Variants in OR13C5 observed in about 807,000 individuals in gnomAD.
OR13C5 encodes olfactory receptor family 13 subfamily C member 5.
A neutral mutation model predicts 12.4 loss-of-function variants in OR13C5; 9 were observed. That is an observed-to-expected ratio of 0.72 (90% confidence interval 0.44 to 1.26). The LOEUF (loss-of-function observed/expected upper bound fraction) is 1.26. Ranked by LOEUF, OR13C5 falls within the 50% of genes most tolerant of loss-of-function variation. The pLI is 0.00. For missense variants in OR13C5, 361 were observed against 374.4 expected (o/e 0.96, Z 0.29); for synonymous variants, 124 against 139.4 (o/e 0.89, Z 0.78).
chr9:104,599,209 A>C lies in OR13C5; in HGVS notation c.205T>G (p.Leu69Val), dbSNP rs7042502. ...MYFFLGNLSF[L>V]DICYTTTSIP... ...GAGGTGGTGGTGTAGCAGATGTCCAAGAAGGAGAGGTTCCCCAGAAAGAAG... is the reference window on the plus strand; with the variant it reads ...GAGGTGGTGGTGTAGCAGATGTCCACGAAGGAGAGGTTCCCCAGAAAGAAG... The change falls in exon 1 of 1, where the codon TTG (leucine) becomes GTG (valine). Residue 69 changes from leucine to valine, a missense_variant. Leu to Val is a conservative substitution (Grantham distance 32, BLOSUM62 1). This residue lies in a region of OR13C5 where 67 missense variants were observed against 106.4 expected (regional missense o/e 0.63). Transcript: ENST00000374779. The C allele has an allele frequency of 1.3e-6, 2 of 1,562,950 alleles. No individual in the cohort carries two copies. Among genetic ancestry groups the C allele is most frequent in the East Asian group, 4.8e-5 (2 of 41,568 alleles).
At position 104,598,936 on chromosome 9, in the gene OR13C5, T is replaced by A. The variant is rs753821698; in HGVS notation, c.478A>T (p.Thr160Ser). The A allele has an allele frequency of 1.3e-4, 214 of 1,613,784 alleles. 1 individual carries two copies. In the Middle Eastern group the frequency reaches 3.8e-3, roughly 29 times the overall value. Residue 160 changes from threonine (T) to serine (S), a missense_variant, in exon 1 of 1, where the codon ACA becomes TCA. By Grantham distance (58) the Thr-to-Ser change is moderately conservative (BLOSUM62 1). Coordinates refer to ENST00000374779, the MANE Select transcript of OR13C5 (RefSeq NM_001004482.1). ...IIGAVNSAVQ[T>S]VFVVQLPFCR... is the part of the protein sequence containing the mutation. Reference sequence around the variant, plus strand: ...AAAGGCAATTGTACCACAAACACTGTTTGTACTGCAGAATTGACAGCTCCT... The same window carrying A: ...AAAGGCAATTGTACCACAAACACTGATTGTACTGCAGAATTGACAGCTCCT...
chr9:104,598,665 G>T lies in OR13C5; in HGVS notation c.749C>A (p.Thr250Lys). The T allele has an allele frequency of 1.2e-6, 2 of 1,613,924 alleles. No homozygotes were observed. The highest frequency in any genetic ancestry group is 1.7e-6 in the Non-Finnish European group (2 of 1,179,906). ...TCSARLTVVITFCGTIFLMYM... is the reference protein window; with the variant it reads ...TCSARLTVVIKFCGTIFLMYM... ...CATGAGGAAGATGGTCCCACAGAAT[G>T]TTATCACCACAGTCAGACGAGCTGA... Residue 250 changes from threonine (T) to lysine (K), a missense_variant, in exon 1 of 1, where the codon ACA becomes AAA. Coordinates refer to ENST00000374779, the MANE Select transcript of OR13C5 (RefSeq NM_001004482.1).
chr9:104,598,468 A>C lies in OR13C5; in HGVS notation c.946T>G (p.Phe316Val). 6.6e-7 allele frequency: 1 copy of C among 1,524,262 alleles called. No homozygotes were observed. The highest frequency in any genetic ancestry group is 8.8e-7 in the Non-Finnish European group (1 of 1,141,704). 94.4% of individuals were successfully genotyped at this position (1,524,262 alleles called of 1,614,324 possible). A position where few individuals can be genotyped will look rare whatever the true frequency, so the allele number is the denominator to read the frequency against. Residue 316 changes from phenylalanine to valine, a missense_variant, in exon 1 of 1, where the codon TTT becomes GTT. Physicochemically the swap from Phe to Val is conservative, Grantham distance 50. This residue lies in a region of OR13C5 where 294 missense variants were observed against 268.0 expected (regional missense o/e 1.10). Transcript: ENST00000374779. The stretch of plus-strand genomic sequence containing the variant: ...CTCACCTTTCTCATTTACTTGTTAA[A>C]ATTTTTTCTTCTCAGTAGGTGTTTT... The part of the protein sequence containing the change: ...AVKHLLRRKN[F>V]NK
In OR13C5 at chr9:104,598,956, G is replaced by C; in HGVS notation, c.458C>G (p.Ala153Gly). 2.5e-6 allele frequency: 4 copies of C among 1,613,960 alleles called. No individual in the cohort carries two copies. Among genetic ancestry groups the C allele is most frequent in the Non-Finnish European group, 2.5e-6 (3 of 1,179,944 alleles). The change falls in exon 1 of 1, where the codon GCT becomes GGT. Residue 153 changes from alanine (A) to glycine (G), a missense_variant. Physicochemically the swap from Ala to Gly is moderately conservative, Grantham distance 60. Transcript: ENST00000374779. ...PMAAGSWIIG[A>G]VNSAVQTVFV... The stretch of plus-strand genomic sequence containing the variant: ...CACTGTTTGTACTGCAGAATTGACA[G>C]CTCCTATGATCCAGGACCCAGCTGC...
chr9:104,598,465 T>C lies in OR13C5; in HGVS notation c.949A>G (p.Asn317Asp), dbSNP rs749159295. ...ACTCTCACCTTTCTCATTTACTTGT[T>C]AAAATTTTTTCTTCTCAGTAGGTGT... ...VKHLLRRKNF[N>D]K The change falls in exon 1 of 1, where the codon AAC becomes GAC. Residue 317 changes from asparagine (N) to aspartate (D), a missense_variant. Asn to Asp is a conservative substitution (Grantham distance 23). This residue lies in a region of OR13C5 where 294 missense variants were observed against 268.0 expected (regional missense o/e 1.10). Coordinates refer to ENST00000374779, the MANE Select transcript of OR13C5 (RefSeq NM_001004482.1). The C allele has an allele frequency of 6.6e-7, 1 of 1,521,108 alleles. No individual in the cohort carries two copies. Among genetic ancestry groups the C allele is most frequent in the Non-Finnish European group, 8.8e-7 (1 of 1,137,886 alleles). The allele number at this position is 1,521,108 out of a possible 1,614,324, so 94.2% of individuals were successfully genotyped here. A position where few individuals can be genotyped will look rare whatever the true frequency, so the allele number is the denominator to read the frequency against.
At position 104,598,534 on chromosome 9, in the gene OR13C5, A is replaced by G. The variant is rs1458234276; in HGVS notation, c.880T>C (p.Leu294=). The change falls in exon 1 of 1, where the codon TTA becomes CTA. Residue 294 remains leucine (L), a synonymous_variant. Transcript: ENST00000374779. ...YRVMTPMMNP[L]IYSLRNKDVK... ...TCCTTGTTTCTAAGACTGTAGATTAAAGGATTCATCATGGGAGTCATCACC... is the reference window on the plus strand; with the variant it reads ...TCCTTGTTTCTAAGACTGTAGATTAGAGGATTCATCATGGGAGTCATCACC... The G allele has an allele frequency of 5.0e-6, 8 of 1,613,032 alleles. No homozygotes were observed. The highest frequency in any genetic ancestry group is 5.9e-6 in the Non-Finnish European group (7 of 1,179,404).
chr9:104,598,846 C>A lies in OR13C5; in HGVS notation c.568G>T (p.Ala190Ser). The A allele has an allele frequency of 6.2e-7, 1 of 1,614,052 alleles. No individual in the cohort carries two copies. The highest frequency in any genetic ancestry group is 8.5e-7 in the Non-Finnish European group (1 of 1,179,964). ...ATGAACTCATTGCCTGAGATGTCAG[C>A]ACAGGCCAGTTTCATGACAGCTAGA... ...EILAVMKLAC[A>S]DISGNEFILL... Residue 190 changes from alanine to serine, a missense_variant, in exon 1 of 1, where the codon GCT becomes TCT. Ala to Ser is a moderately conservative substitution (Grantham distance 99). Coordinates refer to ENST00000374779, the MANE Select transcript of OR13C5 (RefSeq NM_001004482.1).
Position 104,599,150 on chromosome 9 carries a change from T to C in OR13C5, c.264A>G (p.Glu88=), listed in dbSNP as rs77669388. The change falls in exon 1 of 1, where the codon GAA becomes GAG. Residue 88 remains glutamate (E), a synonymous_variant. Transcript: ENST00000374779. The part of the protein sequence containing the change: ...IPSTLVSFLS[E]RKTISLSGCA... ...AGCCAGAAAGGGAAATGGTCTTTCT[T>C]TCTGAAAGGAAGCTCACTAGCGTGG... 2.7e-3 allele frequency: 4,364 copies of C among 1,613,138 alleles called. 36 individuals are homozygous for C. Among genetic ancestry groups the C allele is most frequent in the Non-Finnish European group, 2.0e-3 (2,327 of 1,179,814 alleles).
Position 104,599,050 on chromosome 9 carries a change from G to A in OR13C5, c.364C>T (p.Arg122Cys), listed in dbSNP as rs139786230. 1.9e-3 allele frequency: 3,029 copies of A among 1,612,846 alleles called. 6 individuals carry two copies. The highest frequency in any genetic ancestry group is 2.3e-3 in the Non-Finnish European group (2,739 of 1,179,534). ...CVLLGVMAFDRYVAICNPLRY... is the reference protein window; with the variant it reads ...CVLLGVMAFDCYVAICNPLRY... ...AGAGGGTTGCAGATAGCCACATAGC[G>A]GTCAAAGGCCATCACGCCCAGAAGC... The change falls in exon 1 of 1, where the codon CGC (arginine) becomes TGC (cysteine). Residue 122 changes from arginine (R) to cysteine (C), a missense_variant. This residue lies in a region of OR13C5 where 294 missense variants were observed against 268.0 expected (regional missense o/e 1.10). Coordinates refer to ENST00000374779, the MANE Select transcript of OR13C5 (RefSeq NM_001004482.1).
rs761807028 is a variant in OR13C5, at chr9:104,599,013, A to G, written c.401T>C (p.Ile134Thr). ...VAICNPLRYP[I>T]IMSKDAYVPM... Reference sequence around the variant, plus strand: ...TACATAGGCATCCTTACTCATGATGATGGGATATCTCAGAGGGTTGCAGAT... The same window carrying G: ...TACATAGGCATCCTTACTCATGATGGTGGGATATCTCAGAGGGTTGCAGAT... Residue 134 changes from isoleucine to threonine, a missense_variant, in exon 1 of 1, where the codon ATC becomes ACC. This residue lies in a region of OR13C5 where 294 missense variants were observed against 268.0 expected (regional missense o/e 1.10). Coordinates refer to ENST00000374779, the MANE Select transcript of OR13C5 (RefSeq NM_001004482.1). 1 of 1,613,860 alleles carries G rather than the reference A, an allele frequency of 6.2e-7. No homozygotes were observed. Among genetic ancestry groups the G allele is most frequent in the Non-Finnish European group, 8.5e-7 (1 of 1,179,956 alleles).
rs747271056 is a variant in OR13C5 at position 104,598,875 on chromosome 9, T to A, written c.539A>T (p.Glu180Val). ...GGCCAGTTTCATGACAGCTAGAATT[T>A]CACAGGTGAAATGATTGATGATGTT... is the stretch of plus-strand genomic sequence containing the variant. ...RNNIINHFTC[E>V]ILAVMKLACA... Residue 180 changes from glutamate (E) to valine (V), a missense_variant, in exon 1 of 1, where the codon GAA becomes GTA. Glu to Val is a moderately radical substitution (Grantham distance 121). Around this residue, in one of 2 missense-constraint regions of OR13C5, gnomAD observed 294 missense variants for 268.0 expected, o/e 1.10. Coordinates refer to ENST00000374779, the MANE Select transcript of OR13C5 (RefSeq NM_001004482.1). 29 of 1,613,992 alleles carry A rather than the reference T, an allele frequency of 1.8e-5. No homozygotes were observed. The highest frequency in any genetic ancestry group is 3.3e-5 in the Admixed American group (2 of 59,978).
chr9:104,598,765 A>G lies in OR13C5; in HGVS notation c.649T>C (p.Ser217Pro). ...LLTPLLLIIV[S>P]YTLIILSIFK... is the part of the protein sequence containing the mutation. ...ATGCTCAAAATGATTAACGTGTAAG[A>G]GACAATAATTAATAACAAAGGTGTC... The change falls in exon 1 of 1, where the codon TCT becomes CCT. Residue 217 changes from serine (S) to proline (P), a missense_variant. Ser to Pro is a moderately conservative substitution (Grantham distance 74). Coordinates refer to ENST00000374779, the MANE Select transcript of OR13C5 (RefSeq NM_001004482.1). 3 of 1,614,034 alleles carry G rather than the reference A, an allele frequency of 1.9e-6. No homozygotes were observed. Among genetic ancestry groups the G allele is most frequent in the Non-Finnish European group, 2.5e-6 (3 of 1,179,964 alleles).
At position 104,599,278 on chromosome 9, in the gene OR13C5, T is replaced by G; in HGVS notation, c.136A>C (p.Ile46Leu). ...VVILLGNGTL[I>L]LISILDPHLH... ...TGAGGGTCCAAGATGCTGATTAAAA[T>G]GAGAGTACCATTCCCCAGAAGGATG... The change falls in exon 1 of 1, where the codon ATT becomes CTT. Residue 46 changes from isoleucine to leucine, a missense_variant. By Grantham distance (5) the Ile-to-Leu change is conservative. Coordinates refer to ENST00000374779, the MANE Select transcript of OR13C5 (RefSeq NM_001004482.1). 4 of 1,608,554 alleles carry G rather than the reference T, an allele frequency of 2.5e-6. No individual in the cohort carries two copies. Among genetic ancestry groups the G allele is most frequent in the Non-Finnish European group, 3.4e-6 (4 of 1,176,458 alleles).
In OR13C5 at chr9:104,598,562, G is replaced by A. The variant is rs1173439941; in HGVS notation, c.852C>T (p.Tyr284=). The A allele has an allele frequency of 3.7e-6, 6 of 1,613,282 alleles. No individual in the cohort carries two copies. The highest frequency in any genetic ancestry group is 1.1e-5 in the South Asian group (1 of 91,064). ...DATDKLIFIF[Y]RVMTPMMNPL... is the part of the protein sequence containing the mutation. Reference sequence around the variant, plus strand: ...GATTCATCATGGGAGTCATCACCCTGTAGAATATGAATATAAGTTTGTCAG... The same window carrying A: ...GATTCATCATGGGAGTCATCACCCTATAGAATATGAATATAAGTTTGTCAG... Residue 284 remains tyrosine, a synonymous_variant, in exon 1 of 1, where the codon TAC becomes TAT. Transcript: ENST00000374779.
At position 104,598,681 on chromosome 9, in the gene OR13C5, G is replaced by A. The variant is rs1250130934; in HGVS notation, c.733C>T (p.Leu245=). 2 of 1,613,976 alleles carry A rather than the reference G, an allele frequency of 1.2e-6. No individual in the cohort carries two copies. Among genetic ancestry groups the A allele is most frequent in the African/African-American group, 2.7e-5 (2 of 75,042 alleles). ...SKPSSTCSAR[L]TVVITFCGTI... ...CCACAGAATGTTATCACCACAGTCAGACGAGCTGAGCAGGTAGAGGAAGGT... is the reference window on the plus strand; with the variant it reads ...CCACAGAATGTTATCACCACAGTCAAACGAGCTGAGCAGGTAGAGGAAGGT... Residue 245 remains leucine, a synonymous_variant, in exon 1 of 1, where the codon CTG becomes TTG. Coordinates refer to ENST00000374779, the MANE Select transcript of OR13C5 (RefSeq NM_001004482.1).
Position 104,598,742 on chromosome 9 carries a change from G to A in OR13C5, c.672C>T (p.Ser224=). The A allele has an allele frequency of 6.2e-7, 1 of 1,613,938 alleles. No individual in the cohort carries two copies. The highest frequency in any genetic ancestry group is 8.5e-7 in the Non-Finnish European group (1 of 1,179,932). The change falls in exon 1 of 1, where the codon AGC becomes AGT. Residue 224 remains serine (S), a synonymous_variant. Coordinates refer to ENST00000374779, the MANE Select transcript of OR13C5 (RefSeq NM_001004482.1). ...CCTCCGAAGAGCTAATTTTGAAGAT[G>A]CTCAAAATGATTAACGTGTAAGAGA... is the stretch of plus-strand genomic sequence containing the variant. ...IIVSYTLIIL[S]IFKISSSEGR...
At position 104,598,822 on chromosome 9, in the gene OR13C5, T is replaced by G. The variant is rs201338576; in HGVS notation, c.592A>C (p.Ile198Leu). ...ACADISGNEF[I>L]LLVTTTLFLL... The stretch of plus-strand genomic sequence containing the variant: ...AACAATGTTGTGGTCACAAGCAGGA[T>G]GAACTCATTGCCTGAGATGTCAGCA... The change falls in exon 1 of 1, where the codon ATC becomes CTC. Residue 198 changes from isoleucine to leucine, a missense_variant. Transcript: ENST00000374779. 8.7e-6 allele frequency: 14 copies of G among 1,613,968 alleles called. No individual in the cohort carries two copies. The highest frequency in any genetic ancestry group is 1.2e-5 in the Non-Finnish European group (14 of 1,179,978).
rs760476490 is a variant in OR13C5, at chr9:104,598,572, A to G, written c.842T>C (p.Phe281Ser). The G allele has an allele frequency of 3.1e-6, 5 of 1,613,372 alleles. No homozygotes were observed. Among genetic ancestry groups the G allele is most frequent in the Non-Finnish European group, 4.2e-6 (5 of 1,179,636 alleles). Residue 281 changes from phenylalanine to serine, a missense_variant, in exon 1 of 1, where the codon TTC becomes TCC. Physicochemically the swap from Phe to Ser is radical, Grantham distance 155. Coordinates refer to ENST00000374779, the MANE Select transcript of OR13C5 (RefSeq NM_001004482.1). Reference sequence around the variant, plus strand: ...GGGAGTCATCACCCTGTAGAATATGAATATAAGTTTGTCAGTGGCATCCAA... The same window carrying G: ...GGGAGTCATCACCCTGTAGAATATGGATATAAGTTTGTCAGTGGCATCCAA... The part of the protein sequence containing the change: ...DDLDATDKLI[F>S]IFYRVMTPMM...
In OR13C5 at chr9:104,598,776, A is replaced by G; in HGVS notation, c.638T>C (p.Leu213Ser). ...TTLFLLTPLL[L>S]IIVSYTLIIL... ...GATTAACGTGTAAGAGACAATAATT[A>G]ATAACAAAGGTGTCAATAGGAACAA... Residue 213 changes from leucine (L) to serine (S), a missense_variant, in exon 1 of 1, where the codon TTA (leucine) becomes TCA (serine). Leu to Ser is a moderately radical substitution (Grantham distance 145). Coordinates refer to ENST00000374779, the MANE Select transcript of OR13C5 (RefSeq NM_001004482.1). The G allele has an allele frequency of 6.2e-7, 1 of 1,614,044 alleles. No individual in the cohort carries two copies. The highest frequency in any genetic ancestry group is 8.5e-7 in the Non-Finnish European group (1 of 1,179,960).
Sources: allele counts gnomAD v4.1 joint callset, GRCh38; gene constraint gnomAD v4.1.1; regional missense constraint gnomAD v4.1.1; transcripts MANE v1.5; gene names NCBI Gene and HGNC (gene_info 2026-07-23, HGNC 2026-07-21).